The following TWIST2 variants were observed in gnomAD, a reference collection of about 807,000 sequenced individuals.
The protein encoded by TWIST2 is twist-related protein 2.
A neutral mutation model predicts 11.6 loss-of-function variants in TWIST2; 1 was observed. The observed-to-expected ratio is 0.09, with a 90% CI of 0.03 to 0.41. TWIST2 has a LOEUF of 0.41. TWIST2 is among the 10% of genes least tolerant of loss of function. The pLI, the probability that TWIST2 is intolerant of heterozygous loss-of-function variation, is 0.98. For missense variants in TWIST2, 168 were observed against 226.4 expected, an observed-to-expected ratio of 0.74 and a Z score of 1.66; for synonymous variants, 87 against 96.6, an observed-to-expected ratio of 0.90 and a Z score of 0.58.
chr2:238,871,174 C>CACCCCA (rs1559274802), intron 1 of TWIST2, among the ~76,000 whole-genome samples: 1 of 5,222 alleles, frequency 1.9e-4, no homozygotes. Flanking sequence ...CACACACACA[C>CACCCCA]CACACACCCC....
intron 1 of TWIST2, among the ~76,000 whole-genome samples, chr2:238,859,473 A>G (rs1262916335): frequency 6.6e-6 from 1 of 152,030 alleles, no homozygotes; most frequent in African/African-American, 2.4e-5. Context: ...AGAACTAGGT[A>G]GTGATGATGC....
intron 1 of TWIST2, among the ~76,000 whole-genome samples, chr2:238,906,564 C>G (rs1174449993): frequency 6.6e-6 from 1 of 152,142 alleles, no homozygotes; most frequent in Non-Finnish European, 1.5e-5. Context: ...TACACATGCT[C>G]ACACAATTTA....
In TWIST2 at chr2:238,872,855, A is replaced by G. The variant is rs539554572; in HGVS notation, c.*35+24122A>G. 2.0e-5 allele frequency among the ~76,000 whole-genome samples: 3 copies of G among 152,316 alleles called. No homozygotes were observed. In the South Asian group the frequency reaches 6.2e-4, roughly 32 times the overall value. On this transcript the variant is annotated intron_variant, in intron 1 of 1. Transcript: ENST00000612363. ...CCGCAGATGGTTTTGCGTAGCTGGTATCATGTGGGGCAGCTGCAGGGTCCT... is the reference window on the plus strand; with the variant it reads ...CCGCAGATGGTTTTGCGTAGCTGGTGTCATGTGGGGCAGCTGCAGGGTCCT...
At position 238,907,689 on chromosome 2, in the gene TWIST2, TCACA is replaced by T. The variant is rs1187288964; in HGVS notation, c.*36-2142_*36-2139del. Among the ~76,000 whole-genome samples the T allele has an allele frequency of 3.6e-4, 54 of 150,086 alleles. No individual in the cohort carries two copies. The East Asian group carries it at 7.1e-3, about 20-fold the overall frequency. On this transcript the variant is annotated intron_variant, in intron 1 of 1. Coordinates refer to ENST00000612363, the MANE Select transcript of TWIST2 (RefSeq NM_001271893.4). ...ACTGCAGGAAGTACACATACACCAC[TCACA>T]CACACACACAAATGCACACAATACA...
At chr2:238,909,614 G>C (rs1277880686) in intron 1 of TWIST2, among the ~76,000 whole-genome samples, 1 of 152,116 alleles carries the variant, frequency 6.6e-6, no homozygotes, top group Non-Finnish European at 1.5e-5. Context: ...TCGGGGGAGG[G>C]AAAGGGCTTG....
intron 1 of TWIST2, among the ~76,000 whole-genome samples, chr2:238,861,288 C>T (rs373414947): frequency 3.3e-5 from 5 of 152,204 alleles, no homozygotes; most frequent in Non-Finnish European, 4.4e-5. Flanking sequence ...TATTCACATT[C>T]GTAGCACAGC....
intron 1 of TWIST2, among the ~76,000 whole-genome samples, chr2:238,881,281 TAG>T (rs2106364875): frequency 6.9e-6 from 1 of 145,018 alleles, no homozygotes; most frequent in Non-Finnish European, 1.5e-5. Context: ...GTGTTAGCAT[TAG>T]TATTAATGTT....
chr2:238,880,728 T>C lies in TWIST2; in HGVS notation c.*36-29114T>C, dbSNP rs920589914. Among the ~76,000 whole-genome samples the C allele has an allele frequency of 3.6e-5, 4 of 111,750 alleles. 1 individual carries two copies. The Admixed American group carries it at 3.8e-4, about 11-fold the overall frequency. The allele number at this position is 111,750 out of a possible 152,430, so 73.3% of individuals were successfully genotyped here. On this transcript the variant is annotated intron_variant, in intron 1 of 1. Coordinates refer to ENST00000612363, the MANE Select transcript of TWIST2 (RefSeq NM_001271893.4). Reference sequence around the variant, plus strand: ...TAGCATTAGTATTAATGTTAGTATCTATTAGTATTAGTGTTAGTGTTGGTG... The same window carrying C: ...TAGCATTAGTATTAATGTTAGTATCCATTAGTATTAGTGTTAGTGTTGGTG...
At chr2:238,891,422 C>T (rs952126097) in intron 1 of TWIST2, among the ~76,000 whole-genome samples, 1 of 152,218 alleles carries the variant, frequency 6.6e-6, no homozygotes, top group Admixed American at 6.5e-5. Flanking sequence ...GGGGCTTGGC[C>T]GGCATGGCCT....
chr2:238,863,614 G>A lies in TWIST2; in HGVS notation c.*35+14881G>A, dbSNP rs946738520. ...CTGCCTTTTTTTCACTCCTCTCTAC[G>A]TAGTTGGGGATATCTGTTGTTAACC... On this transcript the variant is annotated intron_variant, in intron 1 of 1. Coordinates refer to ENST00000612363, the MANE Select transcript of TWIST2 (RefSeq NM_001271893.4). The surrounding 1 kb of genome is among the most constrained non-coding windows in gnomAD (Gnocchi z 4.7). Among the ~76,000 whole-genome samples, 1 of 151,986 alleles carries A rather than the reference G, an allele frequency of 6.6e-6. No homozygotes were observed. Among genetic ancestry groups the A allele is most frequent in the Non-Finnish European group, 1.5e-5 (1 of 68,020 alleles).
chr2:238,848,796 G>T (rs1692182648), intron 1 of TWIST2, 63 bp downstream of exon 1: 1 of 1,245,878 alleles, frequency 8.0e-7, no homozygotes, highest in South Asian at 2.6e-5. Flanking sequence ...GGGCGCAGGG[G>T]CATTGGGGCC....
intron 1 of TWIST2, among the ~76,000 whole-genome samples, chr2:238,861,410 GA>G: frequency 6.6e-6 from 1 of 152,226 alleles, no homozygotes; most frequent in South Asian, 2.1e-4. Flanking sequence ...TGCCTGGGGG[GA>G]CACTGGAGCC....
At chr2:238,907,740 G>A (rs1273349719) in intron 1 of TWIST2, among the ~76,000 whole-genome samples, 4 of 134,038 alleles carry the variant, frequency 3.0e-5, no homozygotes, top group African/African-American at 5.8e-5. Context: ...ACACATAAAC[G>A]CACACAACAC....
intron 1 of TWIST2, among the ~76,000 whole-genome samples, chr2:238,859,711 G>A (rs1315548029): frequency 6.6e-6 from 1 of 152,120 alleles, no homozygotes; most frequent in Non-Finnish European, 1.5e-5. Context: ...TTATCCTCCT[G>A]CTTCAGCACT....
chr2:238,882,290 G>A lies in TWIST2; in HGVS notation c.*36-27552G>A, dbSNP rs140689306. The stretch of plus-strand genomic sequence containing the variant: ...GCACTGTCCTGTGCTTCCCGAGAGC[G>A]TGGGAGTCCCTGGCCTCTTTCCAGC... On this transcript the variant is annotated intron_variant, in intron 1 of 1. Transcript: ENST00000612363. Among the ~76,000 whole-genome samples, 358 of 152,278 alleles carry A rather than the reference G, an allele frequency of 2.4e-3. 2 individuals are homozygous for A. Among genetic ancestry groups the A allele is most frequent in the Non-Finnish European group, 2.7e-3 (186 of 68,026 alleles).
intron 1 of TWIST2, among the ~76,000 whole-genome samples, chr2:238,880,107 T>G (rs1049131947): frequency 1.3e-5 from 2 of 151,104 alleles, no homozygotes; most frequent in African/African-American, 4.9e-5. Flanking sequence ...TAGTATTTAT[T>G]TATACTCGTG....
chr2:238,874,381 G>A (rs185556904), intron 1 of TWIST2, among the ~76,000 whole-genome samples: 165 of 152,192 alleles, frequency 1.1e-3, no homozygotes, highest in African/African-American at 2.8e-3. Flanking sequence ...CCATGTTATC[G>A]TGTCTTAAAA....
At chr2:238,901,569 T>A (rs1357390348) in intron 1 of TWIST2, among the ~76,000 whole-genome samples, 2 of 152,020 alleles carry the variant, frequency 1.3e-5, no homozygotes, top group Admixed American at 1.3e-4. Flanking sequence ...GTCCCTGGGG[T>A]ATCTCCTTGT....
chr2:238,880,842 A>G (rs1692908844), intron 1 of TWIST2, among the ~76,000 whole-genome samples: 1 of 120,198 alleles, frequency 8.3e-6, no homozygotes, highest in South Asian at 2.8e-4. Context: ...TATTAGTGTT[A>G]GTACTAGTAT....
Sources: allele counts gnomAD v4.1 joint callset (sites outside exome capture counted in the v4.1 genomes callset), GRCh38; gene constraint gnomAD v4.1.1; non-coding constraint Gnocchi (gnomAD v3.1); transcripts MANE v1.5; gene names NCBI Gene and HGNC (gene_info 2026-07-23, HGNC 2026-07-21).